VRK2: variants seen among roughly 807,000 people sequenced by gnomAD.
VRK2 encodes the protein serine/threonine-protein kinase VRK2.
VRK2 carries 60 observed loss-of-function variants against 57.6 expected under a neutral mutation model. The ratio of observed to expected loss-of-function variants is 1.04; its 90% confidence interval spans 0.85 to 1.29. The LOEUF is 1.29. VRK2 is among the 50% of genes most tolerant of loss of function. The pLI is 0.00. For synonymous variants in VRK2, 231 were observed against 199.2 expected, an observed-to-expected ratio of 1.16 and a Z score of -1.35; for missense variants, 705 against 588.1, an observed-to-expected ratio of 1.20 and a Z score of -2.06.
chr2:57,918,798 C>A (rs1021793687), intron 1 of VRK2, among the ~76,000 whole-genome samples: 2 of 152,058 alleles, frequency 1.3e-5, no homozygotes, highest in African/African-American at 4.8e-5. Context: ...TATAATCATG[C>A]TCTGAAATCT....
intron 1 of VRK2, among the ~76,000 whole-genome samples, chr2:57,928,038 A>G (rs191087729): frequency 6.6e-6 from 1 of 152,250 alleles, no homozygotes; most frequent in Admixed American, 6.5e-5. Flanking sequence ...TTGGTGTTAT[A>G]TAACCTTCTT....
At chr2:58,045,371 T>C (rs113311429), upstream of VRK2, among the ~76,000 whole-genome samples, 1,963 of 152,252 alleles carry the variant, frequency 0.013, 58 homozygotes, top group African/African-American at 0.045. Flanking sequence ...CTGTGGTTGC[T>C]ACTGGAGTTG....
At chr2:58,039,612 T>C (rs780205583) in intron 3 of VRK2, among the ~76,000 whole-genome samples, 2 of 152,112 alleles carry the variant, frequency 1.3e-5, no homozygotes, top group African/African-American at 2.4e-5. Flanking sequence ...GACTAATTGT[T>C]TAAGGATGGG....
chr2:58,101,713 C>T (rs912452949), intron 7 of VRK2, among the ~76,000 whole-genome samples: 1 of 151,614 alleles, frequency 6.6e-6, no homozygotes, highest in African/African-American at 2.4e-5. Context: ...CTGGGTAGAA[C>T]TGGTTGTTAG....
At chr2:58,142,349 A>G (rs1488523294) in intron 11 of VRK2, among the ~76,000 whole-genome samples, 1 of 150,184 alleles carries the variant, frequency 6.7e-6, no homozygotes, top group African/African-American at 2.5e-5. Context: ...CCAATACTGG[A>G]TTTTACTAGA....
chr2:58,142,327 T>G (rs1681471884), intron 11 of VRK2, among the ~76,000 whole-genome samples: 1 of 151,398 alleles, frequency 6.6e-6, no homozygotes, highest in Non-Finnish European at 1.5e-5. Flanking sequence ...AGAAAAAGTT[T>G]TTTTTTTTTT....
intron 7 of VRK2, among the ~76,000 whole-genome samples, chr2:58,106,775 T>C (rs1674817029): frequency 6.6e-6 from 1 of 152,038 alleles, no homozygotes; most frequent in Admixed American, 6.6e-5. Context: ...TACAGCTCAC[T>C]AAAAGATAAA....
intron 2 of VRK2, among the ~76,000 whole-genome samples, chr2:58,070,862 T>A (rs1669273658): frequency 6.6e-6 from 1 of 152,182 alleles, no homozygotes; most frequent in African/African-American, 2.4e-5. Flanking sequence ...ACTAAGACTG[T>A]GTTTAGCTTT....
intron 2 of VRK2, among the ~76,000 whole-genome samples, chr2:58,055,020 T>C (rs1676308045): frequency 1.3e-5 from 2 of 152,208 alleles, no homozygotes; most frequent in Non-Finnish European, 2.9e-5. Context: ...GGAAATATTC[T>C]GTAGAAAGAC....
intron 1 of VRK2, among the ~76,000 whole-genome samples, chr2:57,990,007 C>T (rs1672713127): frequency 6.6e-6 from 1 of 152,018 alleles, no homozygotes; most frequent in Non-Finnish European, 1.5e-5. Context: ...GAAATGTTCA[C>T]AAAAAGGAGT....
intron 2 of VRK2, among the ~76,000 whole-genome samples, chr2:58,051,202 G>T (rs536053878): frequency 6.6e-6 from 1 of 152,138 alleles, no homozygotes; most frequent in African/African-American, 2.4e-5. Flanking sequence ...TATTTTCAGG[G>T]TTCAATATGT....
intron 2 of VRK2, among the ~76,000 whole-genome samples, chr2:58,051,731 C>T (rs981206337): frequency 5.9e-5 from 9 of 152,164 alleles, no homozygotes; most frequent in African/African-American, 2.2e-4. Context: ...GATCAGTAGC[C>T]AGGGCCTTTC....
At chr2:57,995,855 T>C (rs978327340) in intron 1 of VRK2, among the ~76,000 whole-genome samples, 4 of 152,240 alleles carry the variant, frequency 2.6e-5, no homozygotes, top group Non-Finnish European at 4.4e-5. Context: ...CCAGCACTTT[T>C]ACCCACCATT....
At chr2:57,949,184 G>A (rs1265260965) in intron 1 of VRK2, among the ~76,000 whole-genome samples, 2 of 152,084 alleles carry the variant, frequency 1.3e-5, no homozygotes, top group Non-Finnish European at 2.9e-5. Flanking sequence ...GTAGCGTCAA[G>A]AACAATTTTC....
chr2:58,097,836 T>C (rs1673377259), intron 7 of VRK2, among the ~76,000 whole-genome samples: 2 of 152,164 alleles, frequency 1.3e-5, no homozygotes, highest in South Asian at 4.1e-4. Context: ...ACTATGTTAC[T>C]AGTTTATATG....
chr2:57,911,362 C>A (rs1025971075), intron 1 of VRK2, among the ~76,000 whole-genome samples: 1 of 152,108 alleles, frequency 6.6e-6, no homozygotes, highest in Non-Finnish European at 1.5e-5. Context: ...ACACTACACC[C>A]TTTTTGGAGA....
intron 2 of VRK2, among the ~76,000 whole-genome samples, chr2:58,068,824 A>AC (rs1379442013): frequency 6.6e-6 from 1 of 150,712 alleles, no homozygotes; most frequent in Non-Finnish European, 1.5e-5. Flanking sequence ...AAAAAAAAAA[A>AC]AAAAACAAAA....
intron 1 of VRK2, among the ~76,000 whole-genome samples, chr2:57,947,069 T>A (rs1303011864): frequency 3.3e-5 from 5 of 152,182 alleles, no homozygotes; most frequent in Admixed American, 2.6e-4. Flanking sequence ...AGCATCTCAG[T>A]TAAAGTAAAT....
intron 12 of VRK2, chr2:58,154,944 C>T: frequency 2.0e-6 from 1 of 491,726 alleles, no homozygotes; most frequent in Admixed American, 3.6e-5. Flanking sequence ...GTGTTAATTC[C>T]CAAGTATCTG....
Sources: gnomAD v4.1 joint callset for allele counts (sites outside exome capture counted in the v4.1 genomes callset) on GRCh38, gnomAD v4.1.1 for gene constraint, MANE v1.5 for transcripts, NCBI Gene and HGNC (gene_info 2026-07-23, HGNC 2026-07-21) for gene names.